Variants in BICC1 observed in about 807,000 individuals in gnomAD.
BICC1 encodes the protein BicC family RNA binding protein 1.
BICC1 carries 43 observed loss-of-function variants against 111.0 expected under a neutral mutation model. That is an observed-to-expected ratio of 0.39 (90% CI 0.30 to 0.50). BICC1 has a LOEUF of 0.50. Among genes scored for constraint, BICC1 ranks in the 20% least tolerant of loss-of-function variants. BICC1 has a pLI of 0.88. For missense variants in BICC1, 1,091 were observed against 1,203.2 expected (o/e 0.91, Z 1.38); for synonymous variants, 467 against 434.4 (o/e 1.07, Z -0.93).
chr10:58,649,005 T>C (rs16912470), intron 2 of BICC1, among the ~76,000 whole-genome samples: 3,078 of 152,254 alleles, frequency 0.02, 102 homozygotes, highest in African/African-American at 0.072. Context: ...GAAACTTCTC[T>C]AATAACAACA....
intron 18 of BICC1, chr10:58,814,270 A>G (rs1025904077): frequency 8.3e-6 from 5 of 604,758 alleles, no homozygotes; most frequent in Non-Finnish European, 1.2e-5. Flanking sequence ...TGCTCCACAA[A>G]CCAAAGACTG....
intron 5 of BICC1, among the ~76,000 whole-genome samples, chr10:58,787,487 C>G (rs984855939): frequency 2.6e-5 from 4 of 152,188 alleles, no homozygotes; most frequent in Non-Finnish European, 5.9e-5. Context: ...GCATTAGTGC[C>G]TGACTTCTTA....
At chr10:58,678,949 CA>C (rs1365665467) in intron 2 of BICC1, among the ~76,000 whole-genome samples, 2 of 152,118 alleles carry the variant, frequency 1.3e-5, no homozygotes, top group East Asian at 3.9e-4. Flanking sequence ...GGGTAAATAA[CA>C]AAATTAGGCA....
chr10:58,753,693 C>A (rs1589103759), intron 3 of BICC1, among the ~76,000 whole-genome samples: 1 of 150,290 alleles, frequency 6.7e-6, no homozygotes, highest in African/African-American at 2.4e-5. Context: ...CACACAGACA[C>A]ACACACACAC....
chr10:58,740,540 G>A (rs900425603), intron 3 of BICC1, among the ~76,000 whole-genome samples: 1 of 152,126 alleles, frequency 6.6e-6, no homozygotes, highest in Admixed American at 6.6e-5. Flanking sequence ...TTTGATGGGT[G>A]TATATATGTG....
rs1398685700 is a variant in BICC1, at chr10:58,793,550, G to A, written c.1114G>A (p.Ala372Thr). Residue 372 changes from alanine to threonine, a missense_variant, in exon 9 of 21, where the codon GCG becomes ACG. Coordinates refer to ENST00000373886, the MANE Select transcript of BICC1 (RefSeq NM_001080512.3). ...EEIEVDPQFI[A>T]QLMEQLDVFI... ...AATTGAAGTAGATCCACAATTCATT[G>A]CGCAGTTGATGGAACAGCTTGATGT... The A allele has an allele frequency of 1.9e-6, 3 of 1,613,624 alleles. No homozygotes were observed. Among genetic ancestry groups the A allele is most frequent in the Non-Finnish European group, 2.5e-6 (3 of 1,179,780 alleles).
chr10:58,715,235 G>A (rs1420639633), intron 3 of BICC1, among the ~76,000 whole-genome samples: 1 of 152,128 alleles, frequency 6.6e-6, no homozygotes, highest in Non-Finnish European at 1.5e-5. Context: ...GAGATTTCAG[G>A]AATGAGGAGT....
intron 1 of BICC1, among the ~76,000 whole-genome samples, chr10:58,532,894 TG>T (rs1010920526): frequency 6.6e-6 from 1 of 151,776 alleles, no homozygotes; most frequent in African/African-American, 2.4e-5. Flanking sequence ...AACATGGTTT[TG>T]CCAGTACAAT....
At chr10:58,695,499 AAG>A (rs1304353459) in intron 2 of BICC1, among the ~76,000 whole-genome samples, 1 of 152,188 alleles carries the variant, frequency 6.6e-6, no homozygotes, top group Non-Finnish European at 1.5e-5. Flanking sequence ...ATGAATTTTG[AAG>A]AGAGTATAAA....
At chr10:58,784,917 G>A (rs781126706) in intron 3 of BICC1, 84 bp from the exon 4 acceptor site, 25 of 625,040 alleles carry the variant, frequency 4.0e-5, no homozygotes, top group Non-Finnish European at 6.2e-5. Context: ...TTATGTTCTA[G>A]AGTCAATTTT....
At chr10:58,702,976 T>C (rs1478816044) in intron 3 of BICC1, among the ~76,000 whole-genome samples, 1 of 152,162 alleles carries the variant, frequency 6.6e-6, no homozygotes, top group East Asian at 1.9e-4. Flanking sequence ...CCCCATGACT[T>C]ACTACTAAAT....
intron 1 of BICC1, among the ~76,000 whole-genome samples, chr10:58,548,991 C>T (rs1843216502): frequency 6.6e-6 from 1 of 152,048 alleles, no homozygotes; most frequent in African/African-American, 2.4e-5. Context: ...TCCTGAGTAG[C>T]TGGGACCACA....
chr10:58,826,691 G>A (rs1340484862), intron 20 of BICC1, among the ~76,000 whole-genome samples: 6 of 132,584 alleles, frequency 4.5e-5, no homozygotes, highest in African/African-American at 1.4e-4. Flanking sequence ...CCCGGGAAGC[G>A]GAGCTTGCAG....
Position 58,789,282 on chromosome 10 carries a change from G to T in BICC1, c.621G>T (p.Leu207=). 1 of 1,613,752 alleles carries T rather than the reference G, an allele frequency of 6.2e-7. No homozygotes were observed. The highest frequency in any genetic ancestry group is 8.5e-7 in the Non-Finnish European group (1 of 1,179,840). ...TTTAGGAGCTGCTTCCTTTGGTGCT[G>T]ATGTTTGAGCTACCAATTGCTGGAA... The part of the protein sequence containing the change: ...VRIRELLPLV[L]MFELPIAGIL... Residue 207 remains leucine (L), a synonymous_variant, in exon 7 of 21, where the codon CTG becomes CTT. Transcript: ENST00000373886.
At position 58,786,991 on chromosome 10, in the gene BICC1, C is replaced by T; in HGVS notation, c.456C>T (p.Gly152=). The T allele has an allele frequency of 1.2e-6, 2 of 1,609,260 alleles. No individual in the cohort carries two copies. Among genetic ancestry groups the T allele is most frequent in the Non-Finnish European group, 1.7e-6 (2 of 1,178,094 alleles). ...TEHSHVIGKG[G]NNIKKVMEET... is the part of the protein sequence containing the mutation. ...ATTCACATGTAATCGGCAAAGGTGGCAACAATATTAAAAAAGTGATGGAAG... is the reference window on the plus strand; with the variant it reads ...ATTCACATGTAATCGGCAAAGGTGGTAACAATATTAAAAAAGTGATGGAAG... Residue 152 remains glycine (G), a synonymous_variant, in exon 5 of 21, where the codon GGC becomes GGT. Coordinates refer to ENST00000373886, the MANE Select transcript of BICC1 (RefSeq NM_001080512.3).
chr10:58,804,879 T>A (rs557256634), intron 15 of BICC1, among the ~76,000 whole-genome samples: 1 of 152,254 alleles, frequency 6.6e-6, no homozygotes, highest in Non-Finnish European at 1.5e-5. Context: ...CTGATTTCCT[T>A]GGCTGAAAAT....
chr10:58,806,556 A>G, intron 15 of BICC1, 28 bp from the exon 16 acceptor site: 2 of 1,606,838 alleles, frequency 1.2e-6, no homozygotes, highest in Non-Finnish European at 1.7e-6. Context: ...GAGACTGTCA[A>G]TAAAGGTATT....
chr10:58,784,059 C>T (rs1193852734), intron 3 of BICC1, among the ~76,000 whole-genome samples: 1 of 152,198 alleles, frequency 6.6e-6, no homozygotes, highest in Non-Finnish European at 1.5e-5. Flanking sequence ...TCTATGAAGT[C>T]TGATACTCCT....
chr10:58,791,466 G>A (rs897128839), intron 8 of BICC1, among the ~76,000 whole-genome samples: 4 of 152,180 alleles, frequency 2.6e-5, no homozygotes, highest in East Asian at 1.9e-4. Context: ...GGCTGGGCGC[G>A]GTGGCTTACA....
Sources: gnomAD v4.1 joint callset for allele counts (sites outside exome capture counted in the v4.1 genomes callset) on GRCh38, gnomAD v4.1.1 for gene constraint, MANE v1.5 for transcripts, NCBI Gene and HGNC (gene_info 2026-07-23, HGNC 2026-07-21) for gene names.